HMGCS2: variants seen among roughly 807,000 people sequenced by gnomAD.
The protein encoded by HMGCS2 is 3-hydroxy-3-methylglutaryl-CoA synthase 2.
A neutral mutation model predicts 57.4 loss-of-function variants in HMGCS2; 50 were observed. That is an observed-to-expected ratio of 0.87 (90% CI 0.69 to 1.10). HMGCS2 has a LOEUF of 1.10. Ranked by LOEUF, HMGCS2 falls within the 50% of genes least tolerant of loss-of-function variation. The probability of loss-of-function intolerance (pLI) is 0.00; values close to 1 mark genes in which losing one functional copy is unlikely to be tolerated. For missense variants in HMGCS2, 627 were observed against 636.5 expected, an observed-to-expected ratio of 0.99 and a Z score of 0.16; for synonymous variants, 254 against 245.1, an observed-to-expected ratio of 1.04 and a Z score of -0.34.
At chr1:119,752,705 T>G in intron 7 of HMGCS2, 31 bp from the exon 8 acceptor site, 1 of 1,613,326 alleles carries the variant, frequency 6.2e-7, no homozygotes, top group Non-Finnish European at 8.5e-7. Flanking sequence ...TGTTACACCT[T>G]TTTCATTGTC....
chr1:119,750,091 T>G (rs1652599584), intron 9 of HMGCS2, among the ~76,000 whole-genome samples: 1 of 152,186 alleles, frequency 6.6e-6, no homozygotes, highest in Admixed American at 6.5e-5. Flanking sequence ...TTCCTGAACC[T>G]CATTGCTTCT....
chr1:119,749,242 C>CTGCCTAAGCACTTGCTT lies in HMGCS2; in HGVS notation c.*6-402_*6-401insAAGCAAGTGCTTAGGCA, dbSNP rs587684164. 2.1e-4 allele frequency among the ~76,000 whole-genome samples: 32 copies of CTGCCTAAGCACTTGCTT among 151,692 alleles called. No individual in the cohort carries two copies. The South Asian group carries it at 6.4e-3, about 31-fold the overall frequency. ...GGTCAAGAGTTCCAGCTTTTTTTTT[C>CTGCCTAAGCACTTGCTT]AGGTATAATTCTGCCTAAGCACTTG... is the stretch of plus-strand genomic sequence containing the variant. On this transcript the variant is annotated intron_variant, in intron 9 of 9. Coordinates refer to ENST00000369406, the MANE Select transcript of HMGCS2 (RefSeq NM_005518.4).
At chr1:119,760,070 T>C (rs1034350859) in intron 2 of HMGCS2, 81 bp from the exon 3 acceptor site, 18 of 1,308,212 alleles carry the variant, frequency 1.4e-5, no homozygotes, top group Non-Finnish European at 2.0e-5. Flanking sequence ...CAGGCACAAT[T>C]CTAGGTCCTG....
Position 119,755,885 on chromosome 1 carries a change from T to C in HMGCS2, c.1017-288A>G, listed in dbSNP as rs2101255537. Among the ~76,000 whole-genome samples, 4 of 91,598 alleles carry C rather than the reference T, an allele frequency of 4.4e-5. No homozygotes were observed. In the South Asian group the frequency reaches 2.2e-3, roughly 50 times the overall value. 60.1% of individuals were successfully genotyped at this position (91,598 alleles called of 152,430 possible). A position where few individuals can be genotyped will look rare whatever the true frequency, so the allele number is the denominator to read the frequency against. ...TTGTGGTTAGCATACTTTCTTAACT[T>C]AGTGTGTGTGTGTATATATATATAT... On this transcript the variant is annotated intron_variant, in intron 5 of 9. Transcript: ENST00000369406.
intron 6 of HMGCS2, among the ~76,000 whole-genome samples, chr1:119,754,216 C>A (rs1652761814): frequency 2.0e-5 from 3 of 151,996 alleles, no homozygotes; most frequent in Admixed American, 2.0e-4. Context: ...ACCACCATGC[C>A]CAGCTGATGT....
intron 6 of HMGCS2, 56 bp from the exon 7 acceptor site, chr1:119,753,442 CACACAT>C (rs919915380): frequency 1.4e-4 from 107 of 790,474 alleles, no homozygotes; most frequent in Middle Eastern, 5.4e-4. Context: ...CACACACACA[CACACAT>C]ATATGTATAT....
At chr1:119,759,049 T>G (rs1466628425) in intron 4 of HMGCS2, 69 bp downstream of exon 4, 1 of 1,469,982 alleles carries the variant, frequency 6.8e-7, no homozygotes. Flanking sequence ...GACCATCTCA[T>G]GGCCTTTGGG....
intron 1 of HMGCS2, among the ~76,000 whole-genome samples, chr1:119,765,148 A>T (rs1425085970): frequency 6.6e-6 from 1 of 151,962 alleles, no homozygotes; most frequent in African/African-American, 2.4e-5. Flanking sequence ...TCACTCTGTC[A>T]CCCAAGCTGG....
Position 119,764,259 on chromosome 1 carries a change from C to G in HMGCS2, c.472G>C (p.Glu158Gln), listed in dbSNP as rs756896188. The G allele has an allele frequency of 2.5e-6, 4 of 1,614,088 alleles. No individual in the cohort carries two copies. The highest frequency in any genetic ancestry group is 3.4e-6 in the Non-Finnish European group (4 of 1,180,046). ...LFQDSGNTDI[E>Q]GIDTTNACYG... ...CAGGCATTGGTGGTATCTATGCCCT[C>G]AATATCAGTATTGCCTGAATCCTGG... Residue 158 changes from glutamate (E) to glutamine (Q), a missense_variant, in exon 2 of 10, where the codon GAG becomes CAG. Glu to Gln is a conservative substitution (Grantham distance 29). Transcript: ENST00000369406.
At chr1:119,765,889 A>T (rs1653210422) in intron 1 of HMGCS2, among the ~76,000 whole-genome samples, 1 of 152,226 alleles carries the variant, frequency 6.6e-6, no homozygotes, top group Non-Finnish European at 1.5e-5. Flanking sequence ...GTCCAAATAC[A>T]CAGCAGTGAA....
chr1:119,764,597 G>A lies in HMGCS2; in HGVS notation c.134C>T (p.Ala45Val). ...GTCCTTTGGCCAAGTATCTGTTTTG[G>A]CCAGGGGGACAGCAGAGGCTGTAGA... is the stretch of plus-strand genomic sequence containing the variant. Reference protein sequence around the residue: ...RFSTASAVPLAKTDTWPKDVG... With the variant: ...RFSTASAVPLVKTDTWPKDVG... Residue 45 changes from alanine (A) to valine (V), a missense_variant, in exon 2 of 10, where the codon GCC (alanine) becomes GTC (valine). Transcript: ENST00000369406. 1 of 1,614,076 alleles carries A rather than the reference G, an allele frequency of 6.2e-7. No individual in the cohort carries two copies.
chr1:119,764,603 G>A lies in HMGCS2; in HGVS notation c.128C>T (p.Pro43Leu), dbSNP rs771019602. ...HQRFSTASAV[P>L]LAKTDTWPKD... ...TGGCCAAGTATCTGTTTTGGCCAGG[G>A]GGACAGCAGAGGCTGTAGAAAACCT... Residue 43 changes from proline to leucine, a missense_variant, in exon 2 of 10, where the codon CCC (proline) becomes CTC (leucine). Coordinates refer to ENST00000369406, the MANE Select transcript of HMGCS2 (RefSeq NM_005518.4). 10 of 1,613,930 alleles carry A rather than the reference G, an allele frequency of 6.2e-6. No homozygotes were observed. Among genetic ancestry groups the A allele is most frequent in the Non-Finnish European group, 8.5e-6 (10 of 1,179,936 alleles).
In HMGCS2 at chr1:119,764,286, A is replaced by C. The variant is rs774091075; in HGVS notation, c.445T>G (p.Phe149Val). 1.2e-6 allele frequency: 2 copies of C among 1,614,224 alleles called. No individual in the cohort carries two copies. Among genetic ancestry groups the C allele is most frequent in the South Asian group, 2.2e-5 (2 of 91,080 alleles). The change falls in exon 2 of 10, where the codon TTC becomes GTC. Residue 149 changes from phenylalanine (F) to valine (V), a missense_variant. Physicochemically the swap from Phe to Val is conservative, Grantham distance 50. Coordinates refer to ENST00000369406, the MANE Select transcript of HMGCS2 (RefSeq NM_005518.4). ...ATATCAGTATTGCCTGAATCCTGGA[A>C]GAGTTCCATGAGCACTGTTTTGACA... ...KAVKTVLMELFQDSGNTDIEG... is the reference protein window; with the variant it reads ...KAVKTVLMELVQDSGNTDIEG...
At chr1:119,759,346 G>A in intron 3 of HMGCS2, 64 bp from the exon 4 acceptor site, 1 of 1,511,686 alleles carries the variant, frequency 6.6e-7, no homozygotes, top group Non-Finnish European at 9.2e-7. Flanking sequence ...CACAAAAGAT[G>A]AGAGAACCAT....
At chr1:119,767,320 C>A (rs587622165) in intron 1 of HMGCS2, among the ~76,000 whole-genome samples, 7 of 152,270 alleles carry the variant, frequency 4.6e-5, no homozygotes, top group African/African-American at 1.7e-4. Flanking sequence ...GTGGAAGAGA[C>A]CGCATTTGAG....
intron 2 of HMGCS2, among the ~76,000 whole-genome samples, chr1:119,763,849 T>C (rs1387679274): frequency 6.6e-6 from 1 of 152,196 alleles, no homozygotes; most frequent in Non-Finnish European, 1.5e-5. Flanking sequence ...ATAGGAAATA[T>C]GTCAGATGTG....
rs750575658 is a variant in HMGCS2 at position 119,764,415 on chromosome 1, A to T, written c.316T>A (p.Cys106Ser). 1 of 1,614,254 alleles carries T rather than the reference A, an allele frequency of 6.2e-7. No individual in the cohort carries two copies. Among genetic ancestry groups the T allele is most frequent in the East Asian group, 2.2e-5 (1 of 44,882 alleles). The change falls in exon 2 of 10, where the codon TGC (cysteine) becomes AGC (serine). Residue 106 changes from cysteine (C) to serine (S), a missense_variant. Transcript: ENST00000369406. ...CSVQEDINSL[C>S]LTVVQRLMER... ...ATCAGCCGTTGCACCACCGTCAGGC[A>T]CAGGGAGTTGATGTCCTCTTGGACT... is the stretch of plus-strand genomic sequence containing the variant.
chr1:119,752,436 ATCTCGTAAAAG>A, intron 8 of HMGCS2, 102 bp downstream of exon 8: 1 of 1,162,134 alleles, frequency 8.6e-7, no homozygotes, highest in East Asian at 2.4e-5. Context: ...TCCCAACCAT[ATCTCGTAAAAG>A]TCTTGACCCT....
At chr1:119,760,553 C>T (rs964084566) in intron 2 of HMGCS2, among the ~76,000 whole-genome samples, 8 of 152,178 alleles carry the variant, frequency 5.3e-5, no homozygotes, top group Non-Finnish European at 7.3e-5. Flanking sequence ...TCCTGAACCA[C>T]GTGCCTTGAA....
Sources: allele counts gnomAD v4.1 joint callset (sites outside exome capture counted in the v4.1 genomes callset), GRCh38; gene constraint gnomAD v4.1.1; transcripts MANE v1.5; gene names NCBI Gene and HGNC (gene_info 2026-07-23, HGNC 2026-07-21).